Variants in GRIN2B observed in about 807,000 individuals in gnomAD.
The protein encoded by GRIN2B is glutamate receptor ionotropic, NMDA 2B.
In GRIN2B, 5 loss-of-function variants were observed where a neutral mutation model predicts 114.5. The ratio of observed to expected loss-of-function variants is 0.04; its 90% CI spans 0.02 to 0.09. GRIN2B has a LOEUF of 0.09. Ranked by LOEUF, GRIN2B falls within the 10% of genes least tolerant of loss-of-function variation. The pLI, the probability that GRIN2B is intolerant of heterozygous loss-of-function variation, is 1.00. For synonymous variants in GRIN2B, 787 were observed against 745.1 expected, an observed-to-expected ratio of 1.06 and a Z score of -0.92; for missense variants, 1,108 against 1,943.5, an observed-to-expected ratio of 0.57 and a Z score of 8.08.
At chr12:13,880,037 T>C (rs1866046937) in intron 2 of GRIN2B, among the ~76,000 whole-genome samples, 1 of 152,182 alleles carries the variant, frequency 6.6e-6, no homozygotes, top group Non-Finnish European at 1.5e-5. Flanking sequence ...GGAGTCAGAA[T>C]TCAGCCACAA....
intron 2 of GRIN2B, among the ~76,000 whole-genome samples, chr12:13,922,720 G>C (rs1866844382): frequency 6.6e-6 from 1 of 152,182 alleles, no homozygotes; most frequent in African/African-American, 2.4e-5. Flanking sequence ...GATATCTGTT[G>C]GCTTTGCCTG....
chr12:13,611,327 G>A (rs2136474129), intron 9 of GRIN2B, among the ~76,000 whole-genome samples: 1 of 152,272 alleles, frequency 6.6e-6, no homozygotes, highest in Non-Finnish European at 1.5e-5. Flanking sequence ...CATATATCCT[G>A]GGGCAATCCA....
rs1284336148 is a variant in GRIN2B, at chr12:13,563,354, C to T, written c.3884G>A (p.Arg1295Gln). ...PTNSKAQKKN[R>Q]NKLRRQHSYD... ...GGAGTGCTGCCGGCGCAGTTTGTTC[C>T]GGTTCTTCTTCTGGGCCTTGGAATT... is the stretch of plus-strand genomic sequence containing the variant. The change falls in exon 14 of 14, where the codon CGG (arginine) becomes CAG (glutamine). Residue 1295 changes from arginine to glutamine, a missense_variant. Physicochemically the swap from Arg to Gln is conservative, Grantham distance 43. Around this residue, in one of 19 missense-constraint regions of GRIN2B, gnomAD observed 478 missense variants for 506.0 expected, o/e 0.94. Coordinates refer to ENST00000609686, the MANE Select transcript of GRIN2B (RefSeq NM_000834.5). 10 of 1,613,944 alleles carry T rather than the reference C, an allele frequency of 6.2e-6. No homozygotes were observed. Among genetic ancestry groups the T allele is most frequent in the African/African-American group, 4.0e-5 (3 of 74,862 alleles).
At chr12:13,574,945 C>T (rs781603880) in intron 10 of GRIN2B, among the ~76,000 whole-genome samples, 93 of 152,278 alleles carry the variant, frequency 6.1e-4, no homozygotes, top group South Asian at 1.2e-3. Context: ...GGTGCAAGGG[C>T]CATTCAGTGG....
intron 3 of GRIN2B, among the ~76,000 whole-genome samples, chr12:13,785,077 G>C (rs1174387458): frequency 6.6e-6 from 1 of 152,168 alleles, no homozygotes; most frequent in Non-Finnish European, 1.5e-5. Flanking sequence ...TTTATGATCT[G>C]TTTTAGCTTC....
In GRIN2B at chr12:13,736,852, T is replaced by C. The variant is rs539246647; in HGVS notation, c.1010+16465A>G. ...CTGGCTAACATGGTGAAACCCCATT[T>C]CTACTAAAAATGCAAAAAATTAGCC... On this transcript the variant is annotated intron_variant, in intron 4 of 13. Coordinates refer to ENST00000609686, the MANE Select transcript of GRIN2B (RefSeq NM_000834.5). Among the ~76,000 whole-genome samples, 6 of 152,046 alleles carry C rather than the reference T, an allele frequency of 3.9e-5. No homozygotes were observed. The South Asian group carries it at 1.3e-3, about 32-fold the overall frequency.
At chr12:13,745,088 T>C (rs1475622825) in intron 4 of GRIN2B, among the ~76,000 whole-genome samples, 2 of 152,062 alleles carry the variant, frequency 1.3e-5, no homozygotes, top group East Asian at 3.9e-4. Flanking sequence ...CATTATCTAT[T>C]TAAATTGTGC....
rs1555122534 is a variant in GRIN2B at position 13,694,656 on chromosome 12, C to CACATATATATATATATATAT, written c.1011-18798_1011-18797insATATATATATATATATATGT. On this transcript the variant is annotated intron_variant, in intron 4 of 13. Transcript: ENST00000609686. ...CCCAGTCTATTGTGCAAGAAAATGT[C>CACATATATATATATATATAT]ATATATATATATATATATATATATA... Among the ~76,000 whole-genome samples the CACATATATATATATATATAT allele has an allele frequency of 8.4e-5, 6 of 71,402 alleles. 1 individual carries two copies. The highest frequency in any genetic ancestry group is 1.7e-4 in the Admixed American group (1 of 5,946). 46.8% of individuals were successfully genotyped at this position (71,402 alleles called of 152,430 possible). A position where few individuals can be genotyped will look rare whatever the true frequency, so the allele number is the denominator to read the frequency against.
intron 2 of GRIN2B, among the ~76,000 whole-genome samples, chr12:13,937,331 A>C (rs538761330): frequency 6.6e-6 from 1 of 152,132 alleles, no homozygotes; most frequent in African/African-American, 2.4e-5. Flanking sequence ...AAGAAGGATA[A>C]ATAAAGGGAA....
At chr12:13,933,252 T>A (rs139028561) in intron 2 of GRIN2B, among the ~76,000 whole-genome samples, 1 of 152,272 alleles carries the variant, frequency 6.6e-6, no homozygotes, top group East Asian at 1.9e-4. Context: ...CCTTTGAGTA[T>A]GCCATTGTCT....
chr12:13,830,107 T>C (rs1454101511), intron 3 of GRIN2B, among the ~76,000 whole-genome samples: 1 of 152,170 alleles, frequency 6.6e-6, no homozygotes. Flanking sequence ...AAGCTGAATA[T>C]AGGAGATATT....
intron 4 of GRIN2B, among the ~76,000 whole-genome samples, chr12:13,687,384 AT>A (rs1753221218): frequency 1.3e-5 from 2 of 151,820 alleles, no homozygotes; most frequent in East Asian, 3.9e-4. Context: ...TCATCTCTCC[AT>A]TTTTTCTCCA....
At chr12:13,709,712 C>T (rs1950396554) in intron 4 of GRIN2B, among the ~76,000 whole-genome samples, 1 of 152,008 alleles carries the variant, frequency 6.6e-6, no homozygotes, top group Non-Finnish European at 1.5e-5. Flanking sequence ...AACCCCAGCT[C>T]TAAAACGAAG....
chr12:13,579,449 G>C (rs1323460972), intron 10 of GRIN2B, among the ~76,000 whole-genome samples: 2 of 152,110 alleles, frequency 1.3e-5, no homozygotes, highest in Non-Finnish European at 2.9e-5. Context: ...TTGTACAATG[G>C]GCTGCTAATA....
In GRIN2B at chr12:13,899,991, A is replaced by G. The variant is rs570363147; in HGVS notation, c.-18-33765T>C. On this transcript the variant is annotated intron_variant, in intron 2 of 13. Transcript: ENST00000609686. ...CATAGGCTCCAAACAGGCATATTTT[A>G]CCACTCCCATGTGGTTTTCATGATG... is the stretch of plus-strand genomic sequence containing the variant. Among the ~76,000 whole-genome samples, 47 of 152,142 alleles carry G rather than the reference A, an allele frequency of 3.1e-4. 2 individuals are homozygous for G. The highest frequency in any genetic ancestry group is 6.5e-4 in the Non-Finnish European group (44 of 68,020).
Position 13,753,214 on chromosome 12 carries a change from A to T in GRIN2B, c.1010+103T>A. 1 of 814,078 alleles carries T rather than the reference A, an allele frequency of 1.2e-6. No individual in the cohort carries two copies. Among genetic ancestry groups the T allele is most frequent in the Non-Finnish European group, 2.2e-6 (1 of 455,748 alleles). The allele number at this position is 814,078 out of a possible 1,614,324, so 50.4% of individuals were successfully genotyped here. ...GCCCAAGGCCAGGCTTCAACCTGCT[A>T]CCGTCTTGAACTGTTCTTCCTGCAG... On this transcript the variant is annotated intron_variant, in intron 4 of 13. Transcript: ENST00000609686. This position sits in a 1 kb window ranked among gnomAD's most constrained non-coding sequence, Gnocchi z 6.2.
chr12:13,781,158 T>C (rs1399269979), intron 3 of GRIN2B, among the ~76,000 whole-genome samples: 1 of 152,204 alleles, frequency 6.6e-6, no homozygotes, highest in Non-Finnish European at 1.5e-5. Context: ...AGAATATTTA[T>C]ACTAATTTTA....
In GRIN2B at chr12:13,551,495, T is replaced by C. The variant is rs1171722442; in HGVS notation, c.*11288A>G. ...CCTTCACATGAAGCCTGAATATTTC[T>C]GTCAAACCTTGAGGGATCAATGATC... On this transcript the variant is annotated 3_prime_UTR_variant, in exon 14 of 14. Coordinates refer to ENST00000609686, the MANE Select transcript of GRIN2B (RefSeq NM_000834.5). 2 of 152,170 alleles carry C rather than the reference T, an allele frequency of 1.3e-5. No homozygotes were observed. Among genetic ancestry groups the C allele is most frequent in the African/African-American group, 4.8e-5 (2 of 41,442 alleles). 9.4% of individuals were successfully genotyped at this position (152,170 alleles called of 1,614,324 possible).
At chr12:13,580,982 C>A (rs1414577797) in intron 10 of GRIN2B, among the ~76,000 whole-genome samples, 1 of 152,144 alleles carries the variant, frequency 6.6e-6, no homozygotes, top group African/African-American at 2.4e-5. Flanking sequence ...ATCTCCAGGC[C>A]TTTGCATGTA....
Sources: gnomAD v4.1 joint callset for allele counts (sites outside exome capture counted in the v4.1 genomes callset) on GRCh38, gnomAD v4.1.1 for gene constraint, gnomAD v4.1.1 regional missense constraint, Gnocchi (gnomAD v3.1) non-coding constraint, MANE v1.5 for transcripts, NCBI Gene and HGNC (gene_info 2026-07-23, HGNC 2026-07-21) for gene names.